The following AK5 variants were observed in gnomAD, a reference collection of about 807,000 sequenced individuals.
AK5 encodes the protein adenylate kinase 5, also known as adenylate kinase isoenzyme 5.
A neutral mutation model predicts 69.5 loss-of-function variants in AK5; 27 were observed. That is an observed-to-expected ratio of 0.39 (90% CI 0.29 to 0.54). The LOEUF (loss-of-function observed/expected upper bound fraction) is 0.54. AK5 is among the 20% of genes least tolerant of loss of function. The probability of loss-of-function intolerance (pLI) is 0.71; values close to 1 mark genes in which losing one functional copy is unlikely to be tolerated. For synonymous variants in AK5, 260 were observed against 244.4 expected (o/e 1.06, Z -0.60); for missense variants, 531 against 700.4 (o/e 0.76, Z 2.73).
chr1:77,292,766 C>T (rs1351333737), intron 2 of AK5, among the ~76,000 whole-genome samples: 4 of 152,206 alleles, frequency 2.6e-5, no homozygotes, highest in African/African-American at 9.6e-5. Flanking sequence ...ATCACCTGTG[C>T]TTGTCTTTCA....
In AK5 at chr1:77,520,072, G is replaced by T. The variant is rs553445765; in HGVS notation, c.1311+1345G>T. Reference sequence around the variant, plus strand: ...CAAAAAATTAGCTGGGCATGGTGGCGGGCACCTGTAATCCCAGCTACCTGG... The same window carrying T: ...CAAAAAATTAGCTGGGCATGGTGGCTGGCACCTGTAATCCCAGCTACCTGG... On this transcript the variant is annotated intron_variant, in intron 11 of 13. Transcript: ENST00000354567. 2.6e-5 allele frequency among the ~76,000 whole-genome samples: 4 copies of T among 151,958 alleles called. No homozygotes were observed. The South Asian group carries it at 8.3e-4, about 32-fold the overall frequency.
rs375338556 is a variant in AK5, at chr1:77,287,054, A to T, written c.174A>T (p.Thr58=). 7 of 1,610,038 alleles carry T rather than the reference A, an allele frequency of 4.3e-6. No individual in the cohort carries two copies. The African/African-American group carries it at 9.4e-5, about 22-fold the overall frequency. ...LGGCDKVKWD[T]FVSQEKKTLP... is the part of the protein sequence containing the mutation. ...GCTGTGACAAGGTGAAATGGGATAC[A>T]TTTGTAAGCCAGGAAAAGAAGACCT... The change falls in exon 2 of 14, where the codon ACA becomes ACT. Residue 58 remains threonine (T), a synonymous_variant. Coordinates refer to ENST00000354567, the MANE Select transcript of AK5 (RefSeq NM_174858.3).
chr1:77,454,847 A>G (rs973581227), intron 8 of AK5, among the ~76,000 whole-genome samples: 19 of 151,610 alleles, frequency 1.3e-4, no homozygotes, highest in African/African-American at 4.6e-4. Context: ...TGTGGAGTTT[A>G]GTTCATAAAT....
intron 6 of AK5, among the ~76,000 whole-genome samples, chr1:77,393,035 C>G (rs1648591722): frequency 6.6e-6 from 1 of 152,066 alleles, no homozygotes; most frequent in Non-Finnish European, 1.5e-5. Flanking sequence ...TGGGCTCAAT[C>G]AGTCTTCCGA....
intron 6 of AK5, among the ~76,000 whole-genome samples, chr1:77,357,950 T>A (rs1034229534): frequency 1.3e-5 from 2 of 151,700 alleles, no homozygotes; most frequent in Middle Eastern, 6.8e-3. Flanking sequence ...TATCTAAAAA[T>A]CTTACAGTTC....
chr1:77,538,071 C>T (rs1230927796), intron 13 of AK5, among the ~76,000 whole-genome samples: 1 of 152,132 alleles, frequency 6.6e-6, no homozygotes, highest in Non-Finnish European at 1.5e-5. Flanking sequence ...AGTGCAATGG[C>T]TCACACCCGT....
intron 6 of AK5, among the ~76,000 whole-genome samples, chr1:77,381,427 C>T (rs1557546448): frequency 6.6e-6 from 1 of 152,138 alleles, no homozygotes; most frequent in African/African-American, 2.4e-5. Context: ...ATTCCAGTCA[C>T]TTATTTATTT....
chr1:77,312,951 A>G (rs751126126), intron 5 of AK5, among the ~76,000 whole-genome samples: 18 of 152,016 alleles, frequency 1.2e-4, no homozygotes, highest in Non-Finnish European at 2.4e-4. Context: ...TTCCTTCATA[A>G]TGATGCTGGC....
At chr1:77,351,568 A>T (rs1662201572) in intron 6 of AK5, among the ~76,000 whole-genome samples, 3 of 152,174 alleles carry the variant, frequency 2.0e-5, no homozygotes, top group African/African-American at 7.2e-5. Context: ...ATGCTTTCTC[A>T]TAGTGACAAA....
chr1:77,388,425 A>G (rs1227105319), intron 6 of AK5, among the ~76,000 whole-genome samples: 1 of 152,216 alleles, frequency 6.6e-6, no homozygotes, highest in Non-Finnish European at 1.5e-5. Context: ...TAATAGGTGT[A>G]TTATCTCTGA....
intron 2 of AK5, among the ~76,000 whole-genome samples, chr1:77,292,226 G>T (rs1658726818): frequency 6.6e-6 from 1 of 152,194 alleles, no homozygotes; most frequent in Non-Finnish European, 1.5e-5. Context: ...AATGTTGGAT[G>T]AACTGATTAA....
At chr1:77,554,216 A>G (rs781083349) in intron 13 of AK5, among the ~76,000 whole-genome samples, 1 of 151,806 alleles carries the variant, frequency 6.6e-6, no homozygotes, top group Non-Finnish European at 1.5e-5. Flanking sequence ...CCCACTGTTC[A>G]CTGAAAAATC....
chr1:77,333,550 C>CCG (rs1661197898), intron 5 of AK5, among the ~76,000 whole-genome samples: 1 of 148,002 alleles, frequency 6.8e-6, no homozygotes, highest in Admixed American at 6.8e-5. Flanking sequence ...AATCTCCCCC[C>CCG]CACCATGCTA....
intron 8 of AK5, among the ~76,000 whole-genome samples, chr1:77,461,158 C>T (rs1213500349): frequency 4.6e-5 from 7 of 151,798 alleles, no homozygotes; most frequent in Non-Finnish European, 8.8e-5. Flanking sequence ...CTCAGCCTCC[C>T]GAGTAGCTGA....
intron 8 of AK5, among the ~76,000 whole-genome samples, chr1:77,447,104 G>T (rs77272582): frequency 0.01 from 1,532 of 152,322 alleles, 26 homozygotes; most frequent in African/African-American, 0.034. Flanking sequence ...TTTCCCCAAA[G>T]ACTGAAATAA....
chr1:77,282,342 TG>T lies in AK5; in HGVS notation c.31del (p.Ala11ProfsTer13). 6.4e-7 allele frequency: 1 copy of T among 1,561,404 alleles called. No homozygotes were observed. The highest frequency in any genetic ancestry group is 8.7e-7 in the Non-Finnish European group (1 of 1,152,966). On this transcript the variant is annotated frameshift_variant, in exon 1 of 14. Transcript: ENST00000354567. LOFTEE classifies it high-confidence loss of function. Reference protein sequence around the residue: MNTNDAKEYLARREIPQLFE... With the variant: MNTNDAKEYXARREIPQLFE... ...AACACCAACGATGCCAAGGAGTATC[TG>T]GCCCGGAGGGAAATCCCTCAGCTTT... is the stretch of plus-strand genomic sequence containing the variant.
chr1:77,371,087 A>C (rs1647113510), intron 6 of AK5, among the ~76,000 whole-genome samples: 1 of 152,174 alleles, frequency 6.6e-6, no homozygotes, highest in Admixed American at 6.5e-5. Context: ...AAGGAACTAT[A>C]AATATTTACA....
chr1:77,287,646 T>C (rs1037850346), intron 2 of AK5, among the ~76,000 whole-genome samples: 1 of 152,204 alleles, frequency 6.6e-6, no homozygotes, highest in Admixed American at 6.5e-5. Flanking sequence ...AAGTGAGCAA[T>C]GAACAATTCA....
Position 77,529,481 on chromosome 1 carries a change from C to T in AK5, c.1429-6366C>T, listed in dbSNP as rs190119105. The stretch of plus-strand genomic sequence containing the variant: ...CGGGGATTACAGGTGCCCACCACCA[C>T]GTCCAGCTAATTTTTATATTTTTAG... On this transcript the variant is annotated intron_variant, in intron 12 of 13. Coordinates refer to ENST00000354567, the MANE Select transcript of AK5 (RefSeq NM_174858.3). 5.5e-3 allele frequency among the ~76,000 whole-genome samples: 837 copies of T among 152,156 alleles called. 6 individuals carry two copies. Among genetic ancestry groups the T allele is most frequent in the African/African-American group, 0.019 (799 of 41,488 alleles).
Sources: allele counts gnomAD v4.1 joint callset (sites outside exome capture counted in the v4.1 genomes callset), GRCh38; gene constraint gnomAD v4.1.1; transcripts MANE v1.5; gene names NCBI Gene and HGNC (gene_info 2026-07-23, HGNC 2026-07-21).